Variants in PARP8 observed in about 807,000 individuals in gnomAD.
PARP8 encodes the protein poly(ADP-ribose) polymerase family member 8.
Under a neutral mutation model 124.1 loss-of-function variants are expected in PARP8, and 51 were observed. That is an observed-to-expected ratio of 0.41 (90% CI 0.33 to 0.52). The LOEUF is 0.52. Ranked by LOEUF, PARP8 falls within the 20% of genes least tolerant of loss-of-function variation. The pLI is 0.21. For missense variants in PARP8, 860 were observed against 1,018.9 expected (o/e 0.84, Z 2.12); for synonymous variants, 391 against 361.5 (o/e 1.08, Z -0.93).
At chr5:50,794,683 C>T (rs1742329535) in intron 11 of PARP8, among the ~76,000 whole-genome samples, 170 bp from the exon 12 acceptor site, 1 of 152,008 alleles carries the variant, frequency 6.6e-6, no homozygotes, top group African/African-American at 2.4e-5. Flanking sequence ...GGATTCAAGT[C>T]CTGTGATCAT....
intron 2 of PARP8, among the ~76,000 whole-genome samples, chr5:50,676,219 T>C (rs1313359542): frequency 6.6e-6 from 1 of 152,252 alleles, no homozygotes; most frequent in Non-Finnish European, 1.5e-5. Flanking sequence ...TCTTATTCAT[T>C]AAAAATAGTT....
At chr5:50,749,840 A>G (rs1416712105) in intron 2 of PARP8, among the ~76,000 whole-genome samples, 1 of 152,164 alleles carries the variant, frequency 6.6e-6, no homozygotes, top group Non-Finnish European at 1.5e-5. Context: ...ACAAATGATC[A>G]TATAATAGGA....
intron 2 of PARP8, among the ~76,000 whole-genome samples, chr5:50,734,548 T>C (rs1202633879): frequency 6.6e-6 from 1 of 152,198 alleles, no homozygotes; most frequent in Non-Finnish European, 1.5e-5. Context: ...GTCAGTAATA[T>C]ATTTACTAGT....
rs1002260116 is a variant in PARP8, at chr5:50,831,567, T to A, written c.2234-1214T>A. 9.2e-5 allele frequency among the ~76,000 whole-genome samples: 14 copies of A among 152,190 alleles called. No individual in the cohort carries two copies. The East Asian group carries it at 9.6e-4, about 10-fold the overall frequency. On this transcript the variant is annotated intron_variant, in intron 22 of 25. Coordinates refer to ENST00000281631, the MANE Select transcript of PARP8 (RefSeq NM_024615.4). ...GAAATGGAGTTACAAAGAAGAAATC[T>A]ATTAAAATCAGACTCTAAATCTTGC...
chr5:50,830,507 A>G (rs1215821644), intron 22 of PARP8, among the ~76,000 whole-genome samples: 4 of 152,210 alleles, frequency 2.6e-5, no homozygotes, highest in Admixed American at 2.0e-4. Flanking sequence ...TGTAGAAAGA[A>G]TGATCACCAA....
At chr5:50,691,113 C>T (rs1376725423) in intron 2 of PARP8, among the ~76,000 whole-genome samples, 5 of 152,200 alleles carry the variant, frequency 3.3e-5, no homozygotes, top group African/African-American at 9.7e-5. Flanking sequence ...AAATCCACTG[C>T]GTGACTTACC....
chr5:50,765,820 G>C (rs1200353530), intron 7 of PARP8, among the ~76,000 whole-genome samples: 3 of 152,202 alleles, frequency 2.0e-5, no homozygotes, highest in Non-Finnish European at 4.4e-5. Flanking sequence ...GAGGTGGGTA[G>C]TTAGGCAGAA....
At chr5:50,815,185 C>T (rs953721439) in intron 14 of PARP8, among the ~76,000 whole-genome samples, 1 of 152,018 alleles carries the variant, frequency 6.6e-6, no homozygotes, top group African/African-American at 2.4e-5. Flanking sequence ...CTAAATTGTT[C>T]TGAGTGTGTC....
chr5:50,803,456 T>C (rs1030628578), intron 14 of PARP8, among the ~76,000 whole-genome samples: 9 of 152,144 alleles, frequency 5.9e-5, no homozygotes, highest in Non-Finnish European at 1.3e-4. Flanking sequence ...GAATTTCCAT[T>C]ATCTGTATGT....
At chr5:50,687,541 C>A (rs1040457208) in intron 2 of PARP8, among the ~76,000 whole-genome samples, 1 of 152,148 alleles carries the variant, frequency 6.6e-6, no homozygotes, top group African/African-American at 2.4e-5. Context: ...TCTACTGGTG[C>A]CAATTTACTG....
At chr5:50,747,105 A>G (rs1758622106) in intron 2 of PARP8, among the ~76,000 whole-genome samples, 2 of 145,950 alleles carry the variant, frequency 1.4e-5, no homozygotes, top group Non-Finnish European at 3.0e-5. Context: ...TTTACTAATC[A>G]TACTTCTTTT....
At chr5:50,785,686 T>A (rs941592892) in intron 9 of PARP8, among the ~76,000 whole-genome samples, 12 of 152,108 alleles carry the variant, frequency 7.9e-5, no homozygotes, top group African/African-American at 2.9e-4. Flanking sequence ...GATTAGGGAG[T>A]TCTTAGGAAA....
chr5:50,722,149 A>G (rs1755955135), intron 2 of PARP8, among the ~76,000 whole-genome samples: 2 of 152,050 alleles, frequency 1.3e-5, no homozygotes, highest in Admixed American at 1.3e-4. Context: ...GTTTTTGAGA[A>G]AGTTTTAAGG....
chr5:50,767,040 T>C lies in PARP8; in HGVS notation c.518+3798T>C, dbSNP rs778317431. On this transcript the variant is annotated intron_variant, in intron 7 of 25. Transcript: ENST00000281631. ...TCCTTTCACTCTTTAGTGTTAGGCA[T>C]GGATATATCACTAATTTTGGCCAGT... 3.3e-5 allele frequency among the ~76,000 whole-genome samples: 5 copies of C among 152,172 alleles called. 1 individual carries two copies. Among genetic ancestry groups the C allele is most frequent in the Admixed American group, 6.5e-5 (1 of 15,270 alleles).
In PARP8 at chr5:50,736,304, C is replaced by A. The variant is rs144914501; in HGVS notation, c.147-13847C>A. On this transcript the variant is annotated intron_variant, in intron 2 of 25. Coordinates refer to ENST00000281631, the MANE Select transcript of PARP8 (RefSeq NM_024615.4). ...CTTAACAGAGATGGGGTTATAGCCTCATTAAGCTAGTTTTATATCTCTTTT... is the reference window on the plus strand; with the variant it reads ...CTTAACAGAGATGGGGTTATAGCCTAATTAAGCTAGTTTTATATCTCTTTT... 5.9e-5 allele frequency among the ~76,000 whole-genome samples: 9 copies of A among 152,254 alleles called. No homozygotes were observed. The East Asian group carries it at 1.5e-3, about 26-fold the overall frequency.
intron 15 of PARP8, among the ~76,000 whole-genome samples, chr5:50,820,556 C>T (rs1745644975): frequency 6.6e-6 from 1 of 152,152 alleles, no homozygotes. Context: ...TTTAGCCAAT[C>T]AAAGGTCATT....
intron 21 of PARP8, among the ~76,000 whole-genome samples, chr5:50,828,729 T>TTATATATATATATA (rs60312448): frequency 1.4e-5 from 2 of 146,110 alleles, no homozygotes; most frequent in Admixed American, 6.9e-5. Context: ...AAAATACAAA[T>TTATATATATATATA]TATATATATA....
At position 50,845,932 on chromosome 5, in the gene PARP8, T is replaced by A. The variant is rs1226749909; in HGVS notation, c.*3864T>A. 6.6e-6 allele frequency: 1 copy of A among 151,812 alleles called. No individual in the cohort carries two copies. Among genetic ancestry groups the A allele is most frequent in the African/African-American group, 2.4e-5 (1 of 41,410 alleles). The allele number at this position is 151,812 out of a possible 1,614,324, so 9.4% of individuals were successfully genotyped here. A position where few individuals can be genotyped will look rare whatever the true frequency, so the allele number is the denominator to read the frequency against. Reference sequence around the variant, plus strand: ...TGATGTATATTATTACCCAGTAAATTCTTCTTGGGAATTTTGTATACATTA... The same window carrying A: ...TGATGTATATTATTACCCAGTAAATACTTCTTGGGAATTTTGTATACATTA... On this transcript the variant is annotated 3_prime_UTR_variant, in exon 26 of 26. Transcript: ENST00000281631.
rs780325701 is a variant in PARP8, at chr5:50,841,981, A to C, written c.2478A>C (p.Gln826His). Residue 826 changes from glutamine (Q) to histidine (H), a missense_variant, in exon 26 of 26, where the codon CAA becomes CAC. By Grantham distance (24) the Gln-to-His change is conservative. This residue lies in a region of PARP8 where 343 missense variants were observed against 474.7 expected (regional missense o/e 0.72). Transcript: ENST00000281631. ...TGTATTTCAGCTATGAAGACGGCCA[A>C]GTGGGAGATGCAAATATTAATACAC... ...TRFFFVYEDG[Q>H]VGDANINTQE... 23 of 1,598,278 alleles carry C rather than the reference A, an allele frequency of 1.4e-5. No homozygotes were observed. Among genetic ancestry groups the C allele is most frequent in the Non-Finnish European group, 1.9e-5 (22 of 1,172,206 alleles).
Sources: allele counts gnomAD v4.1 joint callset (sites outside exome capture counted in the v4.1 genomes callset), GRCh38; gene constraint gnomAD v4.1.1; regional missense constraint gnomAD v4.1.1; transcripts MANE v1.5; gene names NCBI Gene and HGNC (gene_info 2026-07-23, HGNC 2026-07-21).